Variants in GABRB1 observed in about 807,000 individuals in gnomAD.
GABRB1 encodes the protein gamma-aminobutyric acid receptor subunit beta-1.
In GABRB1, 17 loss-of-function variants were observed where a neutral mutation model predicts 51.6. The ratio of observed to expected loss-of-function variants is 0.33; its 90% CI spans 0.23 to 0.49. The LOEUF is 0.49. Among genes scored for constraint, GABRB1 ranks in the 20% least tolerant of loss-of-function variants. The pLI is 0.99. For synonymous variants in GABRB1, 247 were observed against 218.9 expected (o/e 1.13, Z -1.14); for missense variants, 410 against 600.6 (o/e 0.68, Z 3.32).
rs186450406 is a variant in GABRB1 at position 47,000,482 on chromosome 4, C to G, written c.-20+6556C>G. On this transcript the variant is annotated intron_variant, in intron 1 of 3. Coordinates refer to the GABRB1 transcript ENST00000513567. The stretch of plus-strand genomic sequence containing the variant: ...GTGGAGCAAAGCACTATAAAACTTT[C>G]TAGCTTAAAACAATTTATGATACTC... Among the ~76,000 whole-genome samples the G allele has an allele frequency of 2.0e-5, 3 of 152,266 alleles. No individual in the cohort carries two copies. In the East Asian group the frequency reaches 5.8e-4, roughly 29 times the overall value.
intron 1 of GABRB1, among the ~76,000 whole-genome samples, chr4:47,005,779 G>C (rs748246899): frequency 2.7e-5 from 1 of 36,586 alleles, no homozygotes. Context: ...ACCTAACTCT[G>C]AAAGAGTCAA....
At chr4:47,136,809 A>G (rs1716681067) in intron 3 of GABRB1, among the ~76,000 whole-genome samples, 1 of 152,052 alleles carries the variant, frequency 6.6e-6, no homozygotes, top group African/African-American at 2.4e-5. Flanking sequence ...CTAAAACACT[A>G]CATTTATTGT....
chr4:46,995,117 C>T (rs1425494383), intron 1 of GABRB1, among the ~76,000 whole-genome samples: 1 of 152,178 alleles, frequency 6.6e-6, no homozygotes, highest in African/African-American at 2.4e-5. Flanking sequence ...TTTTGCTCAT[C>T]TGTGTTTATT....
intron 1 of GABRB1, among the ~76,000 whole-genome samples, chr4:46,998,561 G>A (rs574420083): frequency 3.2e-4 from 48 of 151,670 alleles, no homozygotes; most frequent in African/African-American, 9.7e-4. Context: ...CCGAAACCCC[G>A]TCTCTACTAA....
rs1359099026 is a variant in GABRB1, at chr4:47,426,087, A to G, written c.*69A>G. On this transcript the variant is annotated 3_prime_UTR_variant, in exon 9 of 9. Coordinates refer to ENST00000295454, the MANE Select transcript of GABRB1 (RefSeq NM_000812.4). ...TGTTTTTTAACCTTACAGGTCCCCA[A>G]CAGCGATACTGCTGTTTCTCGAGGT... 8.9e-6 allele frequency: 11 copies of G among 1,232,928 alleles called. No individual in the cohort carries two copies. In the Admixed American group the frequency reaches 1.9e-4, roughly 21 times the overall value. The allele number at this position is 1,232,928 out of a possible 1,614,324, so 76.4% of individuals were successfully genotyped here.
At chr4:47,071,013 C>T (rs1193337327) in intron 3 of GABRB1, among the ~76,000 whole-genome samples, 6 of 152,302 alleles carry the variant, frequency 3.9e-5, no homozygotes, top group South Asian at 2.1e-4. Context: ...GTGACCTAGA[C>T]TTCTCGTCCT....
intron 4 of GABRB1, among the ~76,000 whole-genome samples, chr4:47,262,454 C>T (rs1287384539): frequency 6.6e-6 from 1 of 152,138 alleles, no homozygotes; most frequent in Non-Finnish European, 1.5e-5. Context: ...TGCTCATCAT[C>T]ACTGGCCATC....
chr4:47,405,703 T>G (rs1208942494), intron 7 of GABRB1, among the ~76,000 whole-genome samples: 1 of 152,168 alleles, frequency 6.6e-6, no homozygotes, highest in African/African-American at 2.4e-5. Flanking sequence ...TTTATAACTG[T>G]AAGTGTTTAA....
At chr4:47,350,859 A>T (rs946458967) in intron 5 of GABRB1, among the ~76,000 whole-genome samples, 6 of 152,174 alleles carry the variant, frequency 3.9e-5, no homozygotes, top group African/African-American at 1.4e-4. Flanking sequence ...CTTTCACATG[A>T]TTTGAAAGAA....
chr4:47,369,839 GA>G (rs1727123869), intron 5 of GABRB1, among the ~76,000 whole-genome samples: 2 of 151,886 alleles, frequency 1.3e-5, no homozygotes, highest in African/African-American at 4.8e-5. Context: ...AATGGCAGTA[GA>G]AAAAAATGCA....
At chr4:47,123,263 G>C (rs998346462) in intron 3 of GABRB1, among the ~76,000 whole-genome samples, 31 of 142,556 alleles carry the variant, frequency 2.2e-4, no homozygotes, top group African/African-American at 7.5e-4. Context: ...ATGTGTATGT[G>C]TGTGTGTGTA....
At chr4:47,081,206 T>C (rs1292671182) in intron 3 of GABRB1, among the ~76,000 whole-genome samples, 2 of 152,162 alleles carry the variant, frequency 1.3e-5, no homozygotes, top group Admixed American at 1.3e-4. Flanking sequence ...AAATCTGATT[T>C]TCCCATTCCC....
intron 3 of GABRB1, among the ~76,000 whole-genome samples, chr4:47,124,757 A>G (rs1716036252): frequency 6.6e-6 from 1 of 152,178 alleles, no homozygotes; most frequent in Admixed American, 6.6e-5. Context: ...AGACTTGATT[A>G]AGCAGAAGAA....
At chr4:47,150,955 C>G (rs901164078) in intron 3 of GABRB1, among the ~76,000 whole-genome samples, 68 of 151,848 alleles carry the variant, frequency 4.5e-4, no homozygotes, top group African/African-American at 1.5e-3. Flanking sequence ...ATACAGAAGA[C>G]AGAGAAGGTG....
At chr4:47,245,029 A>T (rs566236216) in intron 4 of GABRB1, among the ~76,000 whole-genome samples, 2 of 152,318 alleles carry the variant, frequency 1.3e-5, no homozygotes, top group Non-Finnish European at 2.9e-5. Flanking sequence ...ATACAAAAAA[A>T]CCATTCAAAA....
intron 3 of GABRB1, among the ~76,000 whole-genome samples, chr4:47,089,056 C>G (rs1214762276): frequency 1.3e-5 from 2 of 152,144 alleles, no homozygotes; most frequent in Non-Finnish European, 2.9e-5. Flanking sequence ...TGGCTATGAT[C>G]TGATCACTCC....
intron 3 of GABRB1, among the ~76,000 whole-genome samples, chr4:47,156,721 C>A (rs1230397732): frequency 1.3e-5 from 2 of 151,842 alleles, no homozygotes; most frequent in Non-Finnish European, 2.9e-5. Flanking sequence ...GTAATCTCAG[C>A]ACTTTGGGGG....
At chr4:47,066,143 T>C (rs939259994) in intron 3 of GABRB1, among the ~76,000 whole-genome samples, 1 of 152,242 alleles carries the variant, frequency 6.6e-6, no homozygotes, top group Admixed American at 6.5e-5. Flanking sequence ...CACACAATTT[T>C]TGGTTTCCCA....
At chr4:47,019,136 A>C (rs142217500) in intron 1 of GABRB1, among the ~76,000 whole-genome samples, 1 of 152,272 alleles carries the variant, frequency 6.6e-6, no homozygotes, top group East Asian at 1.9e-4. Flanking sequence ...AAAAATATGA[A>C]TTTCTCATCT....
Sources: gnomAD v4.1 joint callset for allele counts (sites outside exome capture counted in the v4.1 genomes callset) on GRCh38, gnomAD v4.1.1 for gene constraint, MANE v1.5 for transcripts, NCBI Gene and HGNC (gene_info 2026-07-23, HGNC 2026-07-21) for gene names.